The following RERE variants were observed in gnomAD, a reference collection of about 807,000 sequenced individuals.
RERE encodes arginine-glutamic acid dipeptide repeats, also known as arginine-glutamic acid dipeptide repeats protein.
A neutral mutation model predicts 146.1 loss-of-function variants in RERE; 40 were observed. The ratio of observed to expected loss-of-function variants is 0.27; its 90% CI spans 0.21 to 0.36. The LOEUF is 0.36. RERE is among the 10% of genes least tolerant of loss of function. RERE has a pLI of 1.00. For synonymous variants in RERE, 1,003 were observed against 866.0 expected (o/e 1.16, Z -2.78); for missense variants, 1,933 against 2,138.7 (o/e 0.90, Z 1.90).
chr1:8,488,270 A>C (rs553806328), intron 10 of RERE, among the ~76,000 whole-genome samples: 2 of 151,992 alleles, frequency 1.3e-5, no homozygotes, highest in African/African-American at 4.8e-5. Context: ...TTTGAGACAG[A>C]GTTTCACTCT....
chr1:8,355,940 G>C (rs1641272394), intron 21 of RERE, among the ~76,000 whole-genome samples, 160 bp downstream of exon 21: 1 of 152,142 alleles, frequency 6.6e-6, no homozygotes, highest in Non-Finnish European at 1.5e-5. Context: ...CCCCCAGAGG[G>C]CAGGAGGCTT....
At chr1:8,529,465 A>T (rs1167437845) in intron 7 of RERE, among the ~76,000 whole-genome samples, 2 of 145,476 alleles carry the variant, frequency 1.4e-5, no homozygotes, top group Non-Finnish European at 3.0e-5. Flanking sequence ...AAATTTTTTA[A>T]TTTTTTTTTT....
chr1:8,438,270 A>G (rs1017937507), intron 11 of RERE, among the ~76,000 whole-genome samples: 5 of 150,868 alleles, frequency 3.3e-5, no homozygotes, highest in African/African-American at 1.2e-4. Context: ...GGATTATGGC[A>G]TGAGCCACTG....
intron 2 of RERE, among the ~76,000 whole-genome samples, chr1:8,647,641 ATGTGTGTGTGTG>A (rs1553127411): frequency 2.5e-4 from 37 of 148,642 alleles, no homozygotes; most frequent in Middle Eastern, 3.4e-3. Flanking sequence ...TAAAATATGT[ATGTGTGTGTGTG>A]TGTGTGTGTG....
intron 1 of RERE, among the ~76,000 whole-genome samples, chr1:8,743,876 T>C (rs1640366248): frequency 6.6e-6 from 1 of 152,154 alleles, no homozygotes. Context: ...CCAGAGCACT[T>C]TTCACCATCA....
chr1:8,486,313 G>T (rs931057135), intron 10 of RERE, among the ~76,000 whole-genome samples: 1 of 152,036 alleles, frequency 6.6e-6, no homozygotes, highest in South Asian at 2.1e-4. Context: ...AGGCTCAAAA[G>T]ATTTCAAAAT....
At chr1:8,409,924 A>G (rs1362078418) in intron 12 of RERE, among the ~76,000 whole-genome samples, 2 of 150,862 alleles carry the variant, frequency 1.3e-5, no homozygotes, top group African/African-American at 4.9e-5. Context: ...AAGTGTCGAA[A>G]TGGTGTAATT....
chr1:8,532,182 T>C (rs1456016806), intron 7 of RERE, among the ~76,000 whole-genome samples: 1 of 152,240 alleles, frequency 6.6e-6, no homozygotes, highest in Non-Finnish European at 1.5e-5. Flanking sequence ...AATTTGGACA[T>C]GCATATTTAC....
At chr1:8,779,113 C>T (rs1211396250) in intron 1 of RERE, among the ~76,000 whole-genome samples, 1 of 151,426 alleles carries the variant, frequency 6.6e-6, no homozygotes, top group Non-Finnish European at 1.5e-5. Flanking sequence ...TCCCAAAATG[C>T]TGGGATTACA....
chr1:8,611,229 T>C (rs1411585216), intron 4 of RERE, among the ~76,000 whole-genome samples: 2 of 149,390 alleles, frequency 1.3e-5, no homozygotes, highest in African/African-American at 5.0e-5. Flanking sequence ...CACAGCCAGG[T>C]ACAGTGGCTC....
At chr1:8,667,478 C>T (rs979184613) in intron 1 of RERE, among the ~76,000 whole-genome samples, 4 of 152,132 alleles carry the variant, frequency 2.6e-5, no homozygotes, top group African/African-American at 9.7e-5. Context: ...GAATTTGAGA[C>T]GAGCCTGGCC....
chr1:8,458,112 A>G (rs1644473969), intron 11 of RERE, among the ~76,000 whole-genome samples: 1 of 152,180 alleles, frequency 6.6e-6, no homozygotes, highest in African/African-American at 2.4e-5. Flanking sequence ...ACACGCATTA[A>G]AACTGACTCC....
chr1:8,457,560 A>T (rs1644466608), intron 11 of RERE, among the ~76,000 whole-genome samples: 1 of 152,326 alleles, frequency 6.6e-6, no homozygotes, highest in South Asian at 2.1e-4. Flanking sequence ...CAAGGCCATC[A>T]CTACTTCTAC....
chr1:8,534,720 A>T (rs192305764), intron 7 of RERE, among the ~76,000 whole-genome samples: 84 of 152,356 alleles, frequency 5.5e-4, no homozygotes, highest in African/African-American at 2.0e-3. Context: ...AGATCTACAC[A>T]GTCACAAAGC....
At chr1:8,575,534 A>AATATATATATATATAT (rs67724601) in intron 4 of RERE, among the ~76,000 whole-genome samples, 2 of 114,074 alleles carry the variant, frequency 1.8e-5, no homozygotes, top group African/African-American at 6.9e-5. Flanking sequence ...TGGCTAATTT[A>AATATATATATATATAT]ATATATATAT....
chr1:8,621,653 C>G (rs577940785), intron 3 of RERE, among the ~76,000 whole-genome samples: 68 of 152,284 alleles, frequency 4.5e-4, no homozygotes, highest in Non-Finnish European at 7.9e-4. Flanking sequence ...AGATAAAATA[C>G]CTAATTACTC....
intron 12 of RERE, among the ~76,000 whole-genome samples, chr1:8,383,794 G>A (rs1642539128): frequency 6.6e-6 from 1 of 152,076 alleles, no homozygotes; most frequent in African/African-American, 2.4e-5. Context: ...GGGAGGTGAA[G>A]GTTGCAGTGA....
intron 1 of RERE, among the ~76,000 whole-genome samples, chr1:8,715,775 G>A (rs780217851): frequency 5.9e-5 from 9 of 151,916 alleles, no homozygotes; most frequent in Admixed American, 2.0e-4. Flanking sequence ...GTAGTGGTGC[G>A]TGCCTATAAT....
rs1459888607 is a variant in RERE, at chr1:8,509,681, G to A, written c.831-1006C>T. Among the ~76,000 whole-genome samples, 5 of 152,266 alleles carry A rather than the reference G, an allele frequency of 3.3e-5. No homozygotes were observed. The East Asian group carries it at 9.7e-4, about 29-fold the overall frequency. ...AAATCAGCTGGGCATGGTGGCGCACGCCTGTAGACCCAGTTACTCAAGAGG... is the reference window on the plus strand; with the variant it reads ...AAATCAGCTGGGCATGGTGGCGCACACCTGTAGACCCAGTTACTCAAGAGG... On this transcript the variant is annotated intron_variant, in intron 7 of 22. Transcript: ENST00000400908.
Sources: allele counts gnomAD v4.1 joint callset (sites outside exome capture counted in the v4.1 genomes callset), GRCh38; gene constraint gnomAD v4.1.1; transcripts MANE v1.5; gene names NCBI Gene and HGNC (gene_info 2026-07-23, HGNC 2026-07-21).